The following SLC24A3 variants were observed in gnomAD, a reference collection of about 807,000 sequenced individuals.
The protein encoded by SLC24A3 is sodium/potassium/calcium exchanger 3.
In SLC24A3, 28 loss-of-function variants were observed where a neutral mutation model predicts 75.8. That is an observed-to-expected ratio of 0.37 (90% CI 0.27 to 0.51). The LOEUF is 0.51. SLC24A3 is among the 20% of genes least tolerant of loss of function. The pLI is 0.94. For missense variants in SLC24A3, 663 were observed against 847.8 expected (o/e 0.78, Z 2.71); for synonymous variants, 372 against 334.1 (o/e 1.11, Z -1.24).
intron 7 of SLC24A3, among the ~76,000 whole-genome samples, chr20:19,663,748 A>T (rs752225237): frequency 6.6e-6 from 1 of 151,932 alleles, no homozygotes; most frequent in Non-Finnish European, 1.5e-5. Flanking sequence ...ATTTTGTCCA[A>T]TCTCACCCGG....
At chr20:19,619,023 C>T (rs959168834) in intron 6 of SLC24A3, among the ~76,000 whole-genome samples, 12 of 152,166 alleles carry the variant, frequency 7.9e-5, no homozygotes, top group African/African-American at 9.7e-5. Context: ...CTTTGCTCCC[C>T]GAGTGCCCCA....
intron 2 of SLC24A3, among the ~76,000 whole-genome samples, chr20:19,419,620 G>A (rs73900106): frequency 6.6e-6 from 1 of 152,074 alleles, no homozygotes; most frequent in Non-Finnish European, 1.5e-5. Flanking sequence ...GATCCTGAGG[G>A]GAGGGATGTG....
At chr20:19,390,350 A>G (rs1266316203) in intron 2 of SLC24A3, among the ~76,000 whole-genome samples, 1 of 152,224 alleles carries the variant, frequency 6.6e-6, no homozygotes, top group Non-Finnish European at 1.5e-5. Context: ...CAGCTGATCC[A>G]GAGATGCTCA....
chr20:19,558,727 A>G (rs1017761365), intron 3 of SLC24A3, among the ~76,000 whole-genome samples: 1 of 152,146 alleles, frequency 6.6e-6, no homozygotes, highest in East Asian at 1.9e-4. Flanking sequence ...ATATCAGTAC[A>G]TGGTGTTGAT....
chr20:19,529,163 A>G (rs2030249752), intron 3 of SLC24A3, among the ~76,000 whole-genome samples: 1 of 152,160 alleles, frequency 6.6e-6, no homozygotes, highest in Non-Finnish European at 1.5e-5. Flanking sequence ...CATGTGAGAA[A>G]TACATGTATG....
chr20:19,455,912 C>T (rs542156981), intron 2 of SLC24A3, among the ~76,000 whole-genome samples: 53 of 152,280 alleles, frequency 3.5e-4, no homozygotes, highest in African/African-American at 1.0e-3. Flanking sequence ...CCTTAAGTAA[C>T]GTTTATTAGG....
In SLC24A3 at chr20:19,490,732, C is replaced by G. The variant is rs1307169606; in HGVS notation, c.272-24756C>G. Among the ~76,000 whole-genome samples the G allele has an allele frequency of 2.0e-5, 3 of 152,166 alleles. No individual in the cohort carries two copies. In the East Asian group the frequency reaches 5.8e-4, roughly 29 times the overall value. On this transcript the variant is annotated intron_variant, in intron 2 of 16. Transcript: ENST00000328041. ...CACCTTCCTGAGGGATGTGGGATTT[C>G]ATGTGCTCTTGGTACACACATACAA...
At chr20:19,542,211 A>G (rs761636036) in intron 3 of SLC24A3, among the ~76,000 whole-genome samples, 1 of 152,218 alleles carries the variant, frequency 6.6e-6, no homozygotes, top group Non-Finnish European at 1.5e-5. Flanking sequence ...ATGCAGTCCA[A>G]TCTTCACCTA....
intron 6 of SLC24A3, among the ~76,000 whole-genome samples, chr20:19,637,284 G>A (rs978802932): frequency 5.9e-5 from 9 of 152,222 alleles, no homozygotes; most frequent in Non-Finnish European, 1.3e-4. Context: ...CTGGGCAACA[G>A]AGCAAGACTC....
intron 2 of SLC24A3, among the ~76,000 whole-genome samples, chr20:19,440,144 A>T (rs1359358327): frequency 1.3e-5 from 2 of 152,256 alleles, no homozygotes; most frequent in Non-Finnish European, 2.9e-5. Flanking sequence ...GCATTTTCTT[A>T]TCTGGGTGAA....
chr20:19,291,171 G>A (rs1340735260), intron 2 of SLC24A3, among the ~76,000 whole-genome samples: 4 of 152,212 alleles, frequency 2.6e-5, no homozygotes, highest in Non-Finnish European at 5.9e-5. Context: ...GGGCCTTGGG[G>A]CACATCTCCC....
chr20:19,620,874 A>C (rs1209541592), intron 6 of SLC24A3, among the ~76,000 whole-genome samples: 1 of 152,194 alleles, frequency 6.6e-6, no homozygotes, highest in East Asian at 1.9e-4. Context: ...ATTTACCAGA[A>C]AAAAATGTTT....
chr20:19,362,266 G>A (rs1985804248), intron 2 of SLC24A3, among the ~76,000 whole-genome samples: 1 of 152,114 alleles, frequency 6.6e-6, no homozygotes, highest in African/African-American at 2.4e-5. Context: ...CTTTATCCTG[G>A]CTTTATCATT....
chr20:19,474,872 C>A (rs1246315157), intron 2 of SLC24A3, among the ~76,000 whole-genome samples: 2 of 152,176 alleles, frequency 1.3e-5, no homozygotes, highest in African/African-American at 4.8e-5. Context: ...TTGCCCTATC[C>A]ATTTCTCACT....
At chr20:19,241,094 G>A (rs1600388884) in intron 1 of SLC24A3, among the ~76,000 whole-genome samples, 1 of 152,238 alleles carries the variant, frequency 6.6e-6, no homozygotes, top group South Asian at 2.1e-4. Flanking sequence ...AGTCTCTGCA[G>A]CCCTGCAGGG....
At chr20:19,408,097 G>A (rs1189490243) in intron 2 of SLC24A3, among the ~76,000 whole-genome samples, 2 of 152,158 alleles carry the variant, frequency 1.3e-5, no homozygotes, top group African/African-American at 4.8e-5. Context: ...AAAATGTTGA[G>A]TACAAATGCC....
intron 15 of SLC24A3, among the ~76,000 whole-genome samples, chr20:19,702,182 T>G (rs1230325168): frequency 1.3e-5 from 2 of 152,174 alleles, no homozygotes; most frequent in Admixed American, 1.3e-4. Context: ...TTTCCTCCCC[T>G]TCTGACATTT....
chr20:19,461,396 CATAT>C (rs1156434821), intron 2 of SLC24A3, among the ~76,000 whole-genome samples: 1 of 151,920 alleles, frequency 6.6e-6, no homozygotes, highest in Non-Finnish European at 1.5e-5. Context: ...CACATATATA[CATAT>C]ACACATACAT....
intron 1 of SLC24A3, among the ~76,000 whole-genome samples, chr20:19,227,326 C>T (rs1401709367): frequency 6.7e-6 from 1 of 149,516 alleles, no homozygotes; most frequent in African/African-American, 2.4e-5. Flanking sequence ...AGTGTTTTTT[C>T]TTAATGTTTT....
Sources: gnomAD v4.1 joint callset for allele counts (sites outside exome capture counted in the v4.1 genomes callset) on GRCh38, gnomAD v4.1.1 for gene constraint, MANE v1.5 for transcripts, NCBI Gene and HGNC (gene_info 2026-07-23, HGNC 2026-07-21) for gene names.